Variants in EML6 observed in about 807,000 individuals in gnomAD.
The protein encoded by EML6 is echinoderm microtubule-associated protein-like 6.
A neutral mutation model predicts 240.1 loss-of-function variants in EML6; 154 were observed. That is an observed-to-expected ratio of 0.64 (90% confidence interval 0.56 to 0.73). The LOEUF is 0.73. EML6 is among the 30% of genes least tolerant of loss of function. The pLI, the probability that EML6 is intolerant of heterozygous loss-of-function variation, is 0.00. For missense variants in EML6, 2,964 were observed against 2,474.6 expected, an observed-to-expected ratio of 1.20 and a Z score of -4.20; for synonymous variants, 1,148 against 899.0, an observed-to-expected ratio of 1.28 and a Z score of -4.95.
chr2:54,871,970 CAGAACAT>C (rs1343071338), intron 16 of EML6, among the ~76,000 whole-genome samples: 11 of 152,188 alleles, frequency 7.2e-5, no homozygotes, highest in Non-Finnish European at 1.3e-4. Context: ...GGCAGTGACT[CAGAACAT>C]CAATTTCATC....
rs1676440104 is a variant in EML6, at chr2:54,960,344, G to A, written c.4968+10G>A. On this transcript the variant is annotated intron_variant, in intron 35 of 41. Coordinates refer to ENST00000356458, the MANE Select transcript of EML6 (RefSeq NM_001039753.4). Reference sequence around the variant, plus strand: ...CGTGTGCCGTGGAAAAGTGAGCACAGCCAGCTCCCCTGGGGGCTGGGCCAG... The same window carrying A: ...CGTGTGCCGTGGAAAAGTGAGCACAACCAGCTCCCCTGGGGGCTGGGCCAG... 1.9e-6 allele frequency: 3 copies of A among 1,543,438 alleles called. No homozygotes were observed. In the South Asian group the frequency reaches 3.6e-5, roughly 18 times the overall value.
chr2:54,958,030 G>C (rs2104517697), intron 33 of EML6, 32 bp downstream of exon 33: 1 of 1,524,360 alleles, frequency 6.6e-7, no homozygotes, highest in East Asian at 2.5e-5. Flanking sequence ...CTGAGAAGGG[G>C]ACCCAGACCC....
intron 17 of EML6, among the ~76,000 whole-genome samples, chr2:54,890,376 A>T (rs931925001): frequency 4.6e-5 from 7 of 152,182 alleles, no homozygotes; most frequent in Non-Finnish European, 7.3e-5. Context: ...AATATATCAA[A>T]GACCATCAAA....
intron 2 of EML6, among the ~76,000 whole-genome samples, chr2:54,752,136 G>A (rs752141718): frequency 6.6e-6 from 1 of 152,052 alleles, no homozygotes; most frequent in African/African-American, 2.4e-5. Flanking sequence ...ACTTAGGTTT[G>A]TTGGGAACCT....
chr2:54,940,527 G>T (rs1166215299), intron 28 of EML6, among the ~76,000 whole-genome samples: 2 of 152,138 alleles, frequency 1.3e-5, no homozygotes, highest in Non-Finnish European at 2.9e-5. Flanking sequence ...ACCTATCATG[G>T]GACCACTGTG....
At chr2:54,775,020 G>C (rs1030223224) in intron 2 of EML6, among the ~76,000 whole-genome samples, 5 of 152,148 alleles carry the variant, frequency 3.3e-5, no homozygotes, top group African/African-American at 1.2e-4. Flanking sequence ...CAAATACTTA[G>C]TGAGCAGACA....
chr2:54,751,017 AC>A (rs1684140038), intron 2 of EML6, among the ~76,000 whole-genome samples: 1 of 152,210 alleles, frequency 6.6e-6, no homozygotes, highest in African/African-American at 2.4e-5. Context: ...AGTGGTAGTT[AC>A]AAGAAAGCCT....
intron 5 of EML6, among the ~76,000 whole-genome samples, chr2:54,822,643 G>A (rs188594196): frequency 5.3e-5 from 8 of 152,220 alleles, no homozygotes; most frequent in Admixed American, 2.0e-4. Context: ...AGTTTACTTT[G>A]GGGGTTGGGT....
intron 2 of EML6, among the ~76,000 whole-genome samples, chr2:54,789,080 T>A (rs887559582): frequency 6.6e-6 from 1 of 152,234 alleles, no homozygotes; most frequent in Admixed American, 6.5e-5. Context: ...TTTCATGTGT[T>A]CTGTCTCTGC....
chr2:54,800,832 A>T (rs1670097620), intron 2 of EML6, among the ~76,000 whole-genome samples: 2 of 152,098 alleles, frequency 1.3e-5, no homozygotes, highest in South Asian at 4.2e-4. Flanking sequence ...GACATGTAGG[A>T]TCCTCAACTC....
chr2:54,853,499 G>GA (rs1241473317), intron 10 of EML6, 144 bp from the exon 11 acceptor site: 6 of 553,454 alleles, frequency 1.1e-5, no homozygotes, highest in Non-Finnish European at 1.8e-5. Flanking sequence ...CGCAAAAAAA[G>GA]AAAAAATCGC....
chr2:54,932,155 C>G (rs1237936208), intron 28 of EML6, among the ~76,000 whole-genome samples: 1 of 152,194 alleles, frequency 6.6e-6, no homozygotes, highest in African/African-American at 2.4e-5. Flanking sequence ...CAGTTGGTCT[C>G]AAAAGAATCC....
intron 7 of EML6, among the ~76,000 whole-genome samples, chr2:54,841,288 C>T (rs750281283): frequency 6.6e-6 from 1 of 152,226 alleles, no homozygotes; most frequent in Non-Finnish European, 1.5e-5. Flanking sequence ...CTACTGTTGC[C>T]AGGGTGTCTC....
At position 54,957,872 on chromosome 2, in the gene EML6, A is replaced by T. The variant is rs534657222; in HGVS notation, c.4569A>T (p.Val1523=). Residue 1523 remains valine, a synonymous_variant, in exon 33 of 42, where the codon GTA becomes GTT. Coordinates refer to ENST00000356458, the MANE Select transcript of EML6 (RefSeq NM_001039753.4). ...EFRPDSDTQF[V]SVGVKHMKFW... ...GCCCCGACTCAGACACGCAGTTTGT[A>T]TCTGTCGGGGTCAAACATATGAAGT... is the stretch of plus-strand genomic sequence containing the variant. 36 of 1,551,292 alleles carry T rather than the reference A, an allele frequency of 2.3e-5. No individual in the cohort carries two copies. Among genetic ancestry groups the T allele is most frequent in the African/African-American group, 4.1e-5 (3 of 73,036 alleles).
At position 54,910,896 on chromosome 2, in the gene EML6, A is replaced by G. The variant is rs975515625; in HGVS notation, c.3410-58A>G. 3.5e-6 allele frequency: 3 copies of G among 847,274 alleles called. No individual in the cohort carries two copies. In the African/African-American group the frequency reaches 5.1e-5, roughly 14 times the overall value. 52.5% of individuals were successfully genotyped at this position (847,274 alleles called of 1,614,324 possible). A position where few individuals can be genotyped will look rare whatever the true frequency, so the allele number is the denominator to read the frequency against. Reference sequence around the variant, plus strand: ...AAATAGCACCCATGCTTCTCATTTTATAATAAAGAGATAAAGTCAGATTTT... The same window carrying G: ...AAATAGCACCCATGCTTCTCATTTTGTAATAAAGAGATAAAGTCAGATTTT... On this transcript the variant is annotated intron_variant, in intron 24 of 41. Coordinates refer to ENST00000356458, the MANE Select transcript of EML6 (RefSeq NM_001039753.4).
chr2:54,889,857 G>T (rs6707572), intron 17 of EML6, among the ~76,000 whole-genome samples: 21,815 of 152,220 alleles, frequency 0.14, 1,988 homozygotes, highest in South Asian at 0.28. Context: ...TTAAGTAACA[G>T]TCCTTGGAGT....
intron 28 of EML6, among the ~76,000 whole-genome samples, chr2:54,946,273 C>T (rs1333731275): frequency 1.3e-5 from 2 of 152,182 alleles, no homozygotes; most frequent in African/African-American, 2.4e-5. Flanking sequence ...CTCCCACCTC[C>T]AGTCTCTCAC....
intron 2 of EML6, among the ~76,000 whole-genome samples, chr2:54,731,208 A>C (rs1572831618): frequency 6.6e-6 from 1 of 152,210 alleles, no homozygotes; most frequent in South Asian, 2.1e-4. Flanking sequence ...AGAAAGACCA[A>C]GGTCATTGTA....
chr2:54,795,662 C>T (rs555358302), intron 2 of EML6, among the ~76,000 whole-genome samples: 26 of 152,290 alleles, frequency 1.7e-4, no homozygotes, highest in African/African-American at 6.0e-4. Flanking sequence ...CAGTCATGTA[C>T]ATATGCCACA....
Sources: allele counts gnomAD v4.1 joint callset (sites outside exome capture counted in the v4.1 genomes callset), GRCh38; gene constraint gnomAD v4.1.1; transcripts MANE v1.5; gene names NCBI Gene and HGNC (gene_info 2026-07-23, HGNC 2026-07-21).